Variants in SLIT2 observed in about 807,000 individuals in gnomAD.
SLIT2 encodes slit guidance ligand 2.
A neutral mutation model predicts 185.7 loss-of-function variants in SLIT2; 41 were observed. The observed-to-expected ratio is 0.22, with a 90% CI of 0.17 to 0.29. SLIT2 has a LOEUF of 0.29. Ranked by LOEUF, SLIT2 falls within the 10% of genes least tolerant of loss-of-function variation. The probability of loss-of-function intolerance (pLI) is 1.00; values close to 1 mark genes in which losing one functional copy is unlikely to be tolerated. For synonymous variants in SLIT2, 693 were observed against 680.2 expected (o/e 1.02, Z -0.29); for missense variants, 1,571 against 1,909.0 (o/e 0.82, Z 3.30).
chr4:20,318,618 A>G (rs1310619166), intron 4 of SLIT2, among the ~76,000 whole-genome samples: 1 of 150,788 alleles, frequency 6.6e-6, no homozygotes, highest in Non-Finnish European at 1.5e-5. Flanking sequence ...AATGTCTCAA[A>G]TAAAGCTGTA....
At chr4:20,322,655 A>AT (rs1356035665) in intron 4 of SLIT2, among the ~76,000 whole-genome samples, 5 of 152,150 alleles carry the variant, frequency 3.3e-5, no homozygotes, top group African/African-American at 9.7e-5. Context: ...TAGCAATACT[A>AT]TTTAAGAGTG....
chr4:20,311,265 A>G (rs1718080425), intron 4 of SLIT2, among the ~76,000 whole-genome samples: 1 of 152,232 alleles, frequency 6.6e-6, no homozygotes, highest in Admixed American at 6.5e-5. Context: ...CAATTAGAAA[A>G]CAGTTTTAAA....
chr4:20,524,528 C>T (rs1009452462), intron 14 of SLIT2, among the ~76,000 whole-genome samples: 1 of 152,146 alleles, frequency 6.6e-6, no homozygotes, highest in African/African-American at 2.4e-5. Context: ...TGACCAGCCT[C>T]AAGTAATTAA....
chr4:20,463,491 A>ATATATATATATATATG (rs1491274435), intron 4 of SLIT2, among the ~76,000 whole-genome samples: 2 of 96,230 alleles, frequency 2.1e-5, no homozygotes, highest in Non-Finnish European at 2.0e-5. Context: ...ATATATATAT[A>ATATATATATATATATG]TGTGTGTGTG....
At chr4:20,590,018 G>C (rs1443919843) in intron 30 of SLIT2, among the ~76,000 whole-genome samples, 2 of 143,066 alleles carry the variant, frequency 1.4e-5, no homozygotes, top group African/African-American at 2.6e-5. Context: ...CCATTCTCCT[G>C]CCTCAGCCTC....
chr4:20,547,511 TCAGATTCTTAA>T (rs1365200186), intron 22 of SLIT2, among the ~76,000 whole-genome samples: 3 of 152,044 alleles, frequency 2.0e-5, no homozygotes, highest in African/African-American at 7.2e-5. Context: ...AAAGCTCCTC[TCAGATTCTTAA>T]CATTTTCACA....
At chr4:20,568,750 G>A in intron 28 of SLIT2, 115 bp from the exon 29 acceptor site, 1 of 856,120 alleles carries the variant, frequency 1.2e-6, no homozygotes, top group Non-Finnish European at 1.8e-6. Flanking sequence ...TCAATTTCTG[G>A]TAGTTAAAAG....
At chr4:20,520,164 T>G (rs192774483) in intron 12 of SLIT2, among the ~76,000 whole-genome samples, 1 of 150,262 alleles carries the variant, frequency 6.7e-6, no homozygotes, top group African/African-American at 2.4e-5. Context: ...TAACACACAA[T>G]AGTCCTCAGA....
In SLIT2 at chr4:20,284,222, A is replaced by G. The variant is rs150261083; in HGVS notation, c.395+15341A>G. Among the ~76,000 whole-genome samples the G allele has an allele frequency of 1.4e-4, 22 of 152,356 alleles. No homozygotes were observed. In the East Asian group the frequency reaches 3.9e-3, roughly 27 times the overall value. ...TACCAAATGATGGACACCTTCCCAT[A>G]TGCAGATGTTTTCACTTACTTTTTA... On this transcript the variant is annotated intron_variant, in intron 4 of 36. Coordinates refer to ENST00000504154, the MANE Select transcript of SLIT2 (RefSeq NM_004787.4).
At chr4:20,325,200 G>T (rs540873731) in intron 4 of SLIT2, among the ~76,000 whole-genome samples, 1 of 151,870 alleles carries the variant, frequency 6.6e-6, no homozygotes, top group South Asian at 2.1e-4. Context: ...AATGGTGGAA[G>T]ATGGCTTTCA....
At chr4:20,494,541 C>T (rs1233768455) in intron 9 of SLIT2, among the ~76,000 whole-genome samples, 1 of 152,050 alleles carries the variant, frequency 6.6e-6, no homozygotes, top group Non-Finnish European at 1.5e-5. Context: ...CTTTGGGAGG[C>T]CGAGGCAGGC....
At chr4:20,342,475 T>A (rs1721035846) in intron 4 of SLIT2, among the ~76,000 whole-genome samples, 4 of 152,050 alleles carry the variant, frequency 2.6e-5, no homozygotes, top group African/African-American at 9.7e-5. Flanking sequence ...CTCACATAGC[T>A]TTACATTTGA....
chr4:20,502,603 G>A (rs1044701276), intron 9 of SLIT2, among the ~76,000 whole-genome samples: 2 of 152,202 alleles, frequency 1.3e-5, no homozygotes, highest in Admixed American at 6.5e-5. Context: ...ATTAGGATGT[G>A]TTTTGCAGGT....
At chr4:20,577,348 T>G (rs965044958) in intron 29 of SLIT2, among the ~76,000 whole-genome samples, 7 of 152,232 alleles carry the variant, frequency 4.6e-5, no homozygotes, top group Admixed American at 4.6e-4. Flanking sequence ...TTTCCTTCTT[T>G]GAAATGTCTT....
chr4:20,375,587 TG>T (rs1723949048), intron 4 of SLIT2, among the ~76,000 whole-genome samples: 2 of 152,132 alleles, frequency 1.3e-5, no homozygotes, highest in Admixed American at 1.3e-4. Context: ...GTTTGATTTA[TG>T]GCAAACCATT....
chr4:20,590,812 A>C (rs920966853), intron 30 of SLIT2, among the ~76,000 whole-genome samples: 2 of 152,186 alleles, frequency 1.3e-5, no homozygotes, highest in Non-Finnish European at 2.9e-5. Context: ...AACATGAGGA[A>C]ACCATGGCCC....
chr4:20,523,263 C>T (rs902000225), intron 12 of SLIT2, among the ~76,000 whole-genome samples: 3 of 152,068 alleles, frequency 2.0e-5, no homozygotes, highest in African/African-American at 4.8e-5. Context: ...GCTGTTGTGA[C>T]GACTTAGGTT....
intron 6 of SLIT2, among the ~76,000 whole-genome samples, chr4:20,483,957 C>A (rs529974712): frequency 6.6e-6 from 1 of 152,034 alleles, no homozygotes; most frequent in South Asian, 2.1e-4. Flanking sequence ...ATTTTTCAGT[C>A]ATTGAGTATC....
chr4:20,486,506 T>C (rs1448813224), intron 7 of SLIT2, among the ~76,000 whole-genome samples: 1 of 152,084 alleles, frequency 6.6e-6, no homozygotes, highest in African/African-American at 2.4e-5. Context: ...AAAAACAACA[T>C]TTACTTTGAG....
Sources: gnomAD v4.1 joint callset for allele counts (sites outside exome capture counted in the v4.1 genomes callset) on GRCh38, gnomAD v4.1.1 for gene constraint, MANE v1.5 for transcripts, NCBI Gene and HGNC (gene_info 2026-07-23, HGNC 2026-07-21) for gene names.